Variants in ROBO1 observed in about 807,000 individuals in gnomAD.
ROBO1 encodes the protein roundabout homolog 1.
In ROBO1, 149 loss-of-function variants were observed where a neutral mutation model predicts 195.9. That is an observed-to-expected ratio of 0.76 (90% CI 0.67 to 0.87). ROBO1 has a LOEUF of 0.87. Ranked by LOEUF, ROBO1 falls within the 40% of genes least tolerant of loss-of-function variation. The pLI, the probability that ROBO1 is intolerant of heterozygous loss-of-function variation, is 0.00. For synonymous variants in ROBO1, 816 were observed against 733.2 expected (o/e 1.11, Z -1.82); for missense variants, 1,933 against 2,068.3 (o/e 0.93, Z 1.27).
chr3:79,241,274 G>C (rs575164421), intron 2 of ROBO1, among the ~76,000 whole-genome samples: 1 of 152,146 alleles, frequency 6.6e-6, no homozygotes, highest in Non-Finnish European at 1.5e-5. Flanking sequence ...ACTAGAAACA[G>C]ACTAGAGAAA....
chr3:78,713,765 G>C (rs968302860), intron 8 of ROBO1, among the ~76,000 whole-genome samples: 1 of 152,224 alleles, frequency 6.6e-6, no homozygotes, highest in East Asian at 1.9e-4. Context: ...CATAGAACAC[G>C]GTATCCACTT....
At chr3:79,283,300 C>G (rs1422378401) in intron 2 of ROBO1, among the ~76,000 whole-genome samples, 1 of 152,114 alleles carries the variant, frequency 6.6e-6, no homozygotes, top group Admixed American at 6.5e-5. Flanking sequence ...TGGGATCAGT[C>G]GTACCCCAAA....
rs572356105 is a variant in ROBO1 at position 78,813,895 on chromosome 3, G to C, written c.500-66995C>G. Among the ~76,000 whole-genome samples, 13 of 151,966 alleles carry C rather than the reference G, an allele frequency of 8.6e-5. No individual in the cohort carries two copies. In the South Asian group the frequency reaches 2.1e-3, roughly 24 times the overall value. ...AGCCTTAACAACATATTAATTACAG[G>C]GATCTTGTCCTGTGAGAGTGGATCC... On this transcript the variant is annotated intron_variant, in intron 4 of 30. Coordinates refer to ENST00000464233, the MANE Select transcript of ROBO1 (RefSeq NM_002941.4).
At chr3:79,328,402 C>A (rs1414811074) in intron 2 of ROBO1, among the ~76,000 whole-genome samples, 4 of 152,060 alleles carry the variant, frequency 2.6e-5, no homozygotes, top group Non-Finnish European at 4.4e-5. Context: ...ATCTTAAATA[C>A]AGGGAAAATT....
chr3:79,174,337 G>A (rs796995606), intron 2 of ROBO1, among the ~76,000 whole-genome samples: 1 of 151,532 alleles, frequency 6.6e-6, no homozygotes, highest in African/African-American at 2.4e-5. Flanking sequence ...AACACTCACC[G>A]CAAAGGTCCG....
chr3:79,750,832 G>A (rs1242752198), intron 1 of ROBO1, among the ~76,000 whole-genome samples: 2 of 152,096 alleles, frequency 1.3e-5, no homozygotes, highest in Non-Finnish European at 2.9e-5. Context: ...CTAATACATG[G>A]TCTTTTCTGT....
At chr3:79,324,429 A>G (rs1156523138) in intron 2 of ROBO1, among the ~76,000 whole-genome samples, 1 of 152,174 alleles carries the variant, frequency 6.6e-6, no homozygotes, top group Non-Finnish European at 1.5e-5. Context: ...GCAGCAAGTG[A>G]TTAACACCGT....
At chr3:78,847,999 T>C (rs2033782408) in intron 4 of ROBO1, among the ~76,000 whole-genome samples, 1 of 152,192 alleles carries the variant, frequency 6.6e-6, no homozygotes, top group Admixed American at 6.6e-5. Flanking sequence ...TGACTTTTTT[T>C]CCCATTTTTT....
intron 2 of ROBO1, among the ~76,000 whole-genome samples, chr3:79,222,807 T>G (rs2082163456): frequency 6.6e-6 from 1 of 152,154 alleles, no homozygotes; most frequent in Non-Finnish European, 1.5e-5. Context: ...GTGAATAATT[T>G]AATATATTCG....
chr3:78,950,174 G>A (rs1370703246), intron 3 of ROBO1, among the ~76,000 whole-genome samples: 2 of 152,018 alleles, frequency 1.3e-5, no homozygotes, highest in Non-Finnish European at 2.9e-5. Flanking sequence ...TATACCCAAA[G>A]GATTATAAAT....
At chr3:79,386,563 T>G (rs1474566939) in intron 2 of ROBO1, among the ~76,000 whole-genome samples, 1 of 152,128 alleles carries the variant, frequency 6.6e-6, no homozygotes, top group African/African-American at 2.4e-5. Context: ...GGGATGCTTG[T>G]TGTTCTCACA....
intron 4 of ROBO1, among the ~76,000 whole-genome samples, chr3:78,791,721 T>TA (rs1444906064): frequency 6.6e-6 from 1 of 152,194 alleles, no homozygotes; most frequent in Non-Finnish European, 1.5e-5. Flanking sequence ...TTCTTTATCC[T>TA]AAAAATTGGT....
At chr3:79,205,074 C>A (rs930887817) in intron 2 of ROBO1, among the ~76,000 whole-genome samples, 1 of 152,048 alleles carries the variant, frequency 6.6e-6, no homozygotes. Flanking sequence ...CTCACAGCAA[C>A]CTCTACCTCC....
chr3:79,326,555 G>A (rs999524634), intron 2 of ROBO1, among the ~76,000 whole-genome samples: 4 of 152,104 alleles, frequency 2.6e-5, no homozygotes, highest in Non-Finnish European at 5.9e-5. Flanking sequence ...ACGTTTGAAA[G>A]GTAAGCATAA....
intron 4 of ROBO1, among the ~76,000 whole-genome samples, chr3:78,806,998 G>T (rs1559876047): frequency 6.6e-6 from 1 of 151,904 alleles, no homozygotes; most frequent in Non-Finnish European, 1.5e-5. Flanking sequence ...AGTAGAGATG[G>T]GGTTTCACCA....
intron 1 of ROBO1, among the ~76,000 whole-genome samples, chr3:79,597,034 G>A (rs532448143): frequency 5.9e-5 from 9 of 151,926 alleles, no homozygotes; most frequent in African/African-American, 1.4e-4. Context: ...AAAAGAACAC[G>A]GAAAGTTAAA....
intron 2 of ROBO1, among the ~76,000 whole-genome samples, chr3:79,546,377 A>G (rs1942265046): frequency 6.6e-6 from 1 of 152,152 alleles, no homozygotes; most frequent in African/African-American, 2.4e-5. Flanking sequence ...GGTGCCTATA[A>G]CATTCACGTT....
intron 1 of ROBO1, among the ~76,000 whole-genome samples, chr3:79,757,503 C>CCATATATATATATATATATATATATA (rs369407395): frequency 3.4e-5 from 5 of 145,336 alleles, no homozygotes; most frequent in African/African-American, 1.4e-4. Flanking sequence ...CTCTCTCTCT[C>CCATATATATATATATATATATATATA]TCTCTCCATA....
At chr3:78,706,731 G>A (rs1238544114) in intron 8 of ROBO1, among the ~76,000 whole-genome samples, 9 of 152,042 alleles carry the variant, frequency 5.9e-5, no homozygotes, top group Admixed American at 5.9e-4. Flanking sequence ...AGAGTTTCCC[G>A]GAGAAATGAT....
Sources: allele counts gnomAD v4.1 joint callset (sites outside exome capture counted in the v4.1 genomes callset), GRCh38; gene constraint gnomAD v4.1.1; transcripts MANE v1.5; gene names NCBI Gene and HGNC (gene_info 2026-07-23, HGNC 2026-07-21).